GRIP1: variants seen among roughly 807,000 people sequenced by gnomAD.
The protein encoded by GRIP1 is glutamate receptor interacting protein 1, also known as glutamate receptor-interacting protein 1.
A neutral mutation model predicts 129.9 loss-of-function variants in GRIP1; 45 were observed. The observed-to-expected ratio is 0.35, with a 90% CI of 0.27 to 0.44. The LOEUF is 0.44. GRIP1 is among the 20% of genes least tolerant of loss of function. The pLI, the probability that GRIP1 is intolerant of heterozygous loss-of-function variation, is 1.00. For synonymous variants in GRIP1, 530 were observed against 520.8 expected, an observed-to-expected ratio of 1.02 and a Z score of -0.24; for missense variants, 1,196 against 1,396.8, an observed-to-expected ratio of 0.86 and a Z score of 2.29.
intron 23 of GRIP1, among the ~76,000 whole-genome samples, chr12:66,359,050 G>A (rs765145795): frequency 1.1e-4 from 17 of 152,090 alleles, no homozygotes; most frequent in Non-Finnish European, 1.5e-4. Flanking sequence ...AGGGACCGTC[G>A]CCACCATTCC....
chr12:66,907,862 G>A (rs1592944985), intron 1 of GRIP1, among the ~76,000 whole-genome samples: 1 of 152,080 alleles, frequency 6.6e-6, no homozygotes, highest in Non-Finnish European at 1.5e-5. Flanking sequence ...TTATTTGAGG[G>A]GAGGGTGGCT....
At chr12:66,692,189 T>C (rs905527939) in intron 1 of GRIP1, among the ~76,000 whole-genome samples, 1 of 152,220 alleles carries the variant, frequency 6.6e-6, no homozygotes, top group African/African-American at 2.4e-5. Context: ...TCCCATGTCA[T>C]AATCTCAATT....
chr12:66,759,218 C>T (rs1446874642), intron 1 of GRIP1, among the ~76,000 whole-genome samples: 41 of 152,220 alleles, frequency 2.7e-4, no homozygotes. Context: ...CCCACAGGCT[C>T]AACACCATGT....
In GRIP1 at chr12:66,531,302, TAC is replaced by T. The variant is rs1205041982; in HGVS notation, c.419-1390_419-1389del. The stretch of plus-strand genomic sequence containing the variant: ...ATATATATATATATATATATATATA[TAC>T]ACACACACACACATACATATACATA... On this transcript the variant is annotated intron_variant, in intron 4 of 24. Coordinates refer to ENST00000359742, the MANE Select transcript of GRIP1 (RefSeq NM_001366722.1). Among the ~76,000 whole-genome samples the T allele has an allele frequency of 4.7e-4, 46 of 98,168 alleles. 1 individual carries two copies. The highest frequency in any genetic ancestry group is 3.3e-4 in the Non-Finnish European group (16 of 47,944). 64.4% of individuals were successfully genotyped at this position (98,168 alleles called of 152,430 possible). A position where few individuals can be genotyped will look rare whatever the true frequency, so the allele number is the denominator to read the frequency against.
At chr12:66,652,473 G>T (rs1225864269) in intron 1 of GRIP1, among the ~76,000 whole-genome samples, 1 of 152,132 alleles carries the variant, frequency 6.6e-6, no homozygotes, top group Non-Finnish European at 1.5e-5. Context: ...ATTACCTTGG[G>T]TATTTCTTTA....
At chr12:67,010,198 T>C (rs893697362) in intron 1 of GRIP1, among the ~76,000 whole-genome samples, 7 of 152,046 alleles carry the variant, frequency 4.6e-5, no homozygotes, top group African/African-American at 1.7e-4. Context: ...AGAGGATAGG[T>C]AATATAAAAG....
chr12:66,983,832 T>G (rs2135604620), intron 1 of GRIP1, among the ~76,000 whole-genome samples: 1 of 152,156 alleles, frequency 6.6e-6, no homozygotes, highest in African/African-American at 2.4e-5. Flanking sequence ...GAGGGTATAC[T>G]TAATAGTGTT....
chr12:66,716,928 C>T (rs1253818096), intron 1 of GRIP1, among the ~76,000 whole-genome samples: 1 of 152,064 alleles, frequency 6.6e-6, no homozygotes, highest in East Asian at 1.9e-4. Flanking sequence ...AAGTGGTCTC[C>T]ACTCTTCATC....
In GRIP1 at chr12:66,977,807, A is replaced by ATTT. The variant is rs200381983; in HGVS notation, c.58+91240_58+91242dup. Among the ~76,000 whole-genome samples, 31 of 60,268 alleles carry ATTT rather than the reference A, an allele frequency of 5.1e-4. 4 individuals carry two copies. Among genetic ancestry groups the ATTT allele is most frequent in the Middle Eastern group, 0.029 (2 of 68 alleles). The allele number at this position is 60,268 out of a possible 152,430, so 39.5% of individuals were successfully genotyped here. A position where few individuals can be genotyped will look rare whatever the true frequency, so the allele number is the denominator to read the frequency against. On this transcript the variant is annotated intron_variant, in intron 1 of 1. Transcript: ENST00000643019. ...ACTATAGTCAGTTCTAGAGCTGAGC[A>ATTT]TTTTTTTTTTTTTTTTTTTTTTTTT...
At chr12:66,578,723 C>T (rs1325863475) in intron 2 of GRIP1, among the ~76,000 whole-genome samples, 2 of 152,218 alleles carry the variant, frequency 1.3e-5, no homozygotes, top group Admixed American at 6.5e-5. Context: ...CCACGATTGC[C>T]CAGGCTTGCT....
intron 1 of GRIP1, among the ~76,000 whole-genome samples, chr12:66,643,829 G>T (rs1266243353): frequency 6.6e-6 from 1 of 152,190 alleles, no homozygotes; most frequent in Admixed American, 6.5e-5. Flanking sequence ...CTTCCAAAGT[G>T]CTGGGATTAC....
At chr12:66,773,639 T>C (rs2037890185) in intron 1 of GRIP1, among the ~76,000 whole-genome samples, 2 of 152,100 alleles carry the variant, frequency 1.3e-5, no homozygotes, top group African/African-American at 4.8e-5. Context: ...CAAACCACCA[T>C]GGCATGTGTA....
In GRIP1 at chr12:67,059,117, G is replaced by A. The variant is rs1429278751; in HGVS notation, c.58+9933C>T. ...ATTGGACCATAGAGTGGTAATATCT[G>A]CAGAAGGTGACTAAGACAGGTGGAA... On this transcript the variant is annotated intron_variant, in intron 1 of 1. Transcript: ENST00000643019. Among the ~76,000 whole-genome samples the A allele has an allele frequency of 2.0e-5, 3 of 152,196 alleles. No individual in the cohort carries two copies. In the East Asian group the frequency reaches 5.8e-4, roughly 29 times the overall value.
At chr12:66,835,744 G>C (rs2039601431) in intron 1 of GRIP1, among the ~76,000 whole-genome samples, 1 of 152,210 alleles carries the variant, frequency 6.6e-6, no homozygotes, top group Non-Finnish European at 1.5e-5. Flanking sequence ...TTGGGTGTTG[G>C]GGAATGGACA....
At chr12:66,696,379 T>C (rs926505365) in intron 1 of GRIP1, among the ~76,000 whole-genome samples, 2 of 152,088 alleles carry the variant, frequency 1.3e-5, no homozygotes, top group Non-Finnish European at 2.9e-5. Flanking sequence ...AAGGACAGTG[T>C]AACAAAGAAG....
At chr12:66,874,281 C>T (rs2040345047) in intron 1 of GRIP1, among the ~76,000 whole-genome samples, 1 of 152,090 alleles carries the variant, frequency 6.6e-6, no homozygotes, top group Admixed American at 6.6e-5. Flanking sequence ...AGTACATTTA[C>T]ATAATTGTTG....
intron 7 of GRIP1, among the ~76,000 whole-genome samples, chr12:66,510,489 A>T (rs949365473): frequency 1.3e-5 from 2 of 151,950 alleles, no homozygotes; most frequent in Non-Finnish European, 2.9e-5. Flanking sequence ...TCAACTTTCA[A>T]CTCATACCTC....
intron 1 of GRIP1, among the ~76,000 whole-genome samples, chr12:66,646,392 G>A (rs2032368296): frequency 1.3e-5 from 2 of 152,202 alleles, no homozygotes; most frequent in Admixed American, 6.5e-5. Flanking sequence ...GAGAGGCCAA[G>A]GCAGGTGGAA....
intron 5 of GRIP1, among the ~76,000 whole-genome samples, chr12:66,524,310 C>G (rs989268952): frequency 8.6e-5 from 13 of 152,016 alleles, no homozygotes; most frequent in African/African-American, 1.7e-4. Flanking sequence ...TAAAAGAACA[C>G]AAATTATAAC....
Sources: allele counts gnomAD v4.1 joint callset (sites outside exome capture counted in the v4.1 genomes callset), GRCh38; gene constraint gnomAD v4.1.1; transcripts MANE v1.5; gene names NCBI Gene and HGNC (gene_info 2026-07-23, HGNC 2026-07-21).